The following EXOC4 variants were observed in gnomAD, a reference collection of about 807,000 sequenced individuals.
The protein encoded by EXOC4 is exocyst complex component 4.
Under a neutral mutation model 107.2 loss-of-function variants are expected in EXOC4, and 71 were observed. That is an observed-to-expected ratio of 0.66 (90% CI 0.55 to 0.81). The LOEUF is 0.81. Among genes scored for constraint, EXOC4 ranks in the 30% least tolerant of loss-of-function variants. The probability of loss-of-function intolerance (pLI) is 0.00; values close to 1 mark genes in which losing one functional copy is unlikely to be tolerated. For synonymous variants in EXOC4, 456 were observed against 441.2 expected (o/e 1.03, Z -0.42); for missense variants, 1,108 against 1,189.6 (o/e 0.93, Z 1.01).
chr7:134,060,276 A>C (rs1023699540), intron 17 of EXOC4, among the ~76,000 whole-genome samples: 1 of 152,204 alleles, frequency 6.6e-6, no homozygotes, highest in African/African-American at 2.4e-5. Flanking sequence ...CAAGGTGCAC[A>C]TCTCCTTCCA....
chr7:133,596,166 T>C (rs1801665996), intron 9 of EXOC4, among the ~76,000 whole-genome samples: 2 of 152,264 alleles, frequency 1.3e-5, no homozygotes, highest in African/African-American at 2.4e-5. Flanking sequence ...ATCCTTGACC[T>C]AATCTAGATT....
chr7:133,382,748 A>G lies in EXOC4; in HGVS notation c.1182+7746A>G, dbSNP rs113232531. 3.8e-3 allele frequency among the ~76,000 whole-genome samples: 574 copies of G among 152,332 alleles called. 6 individuals carry two copies. Among genetic ancestry groups the G allele is most frequent in the African/African-American group, 0.012 (516 of 41,580 alleles). On this transcript the variant is annotated intron_variant, in intron 7 of 17. Coordinates refer to ENST00000253861, the MANE Select transcript of EXOC4 (RefSeq NM_021807.4). Reference sequence around the variant, plus strand: ...GCTGAAAAGTTGAAATGTTCCTTGTATATTAAATTCTTTGTATAGTAAATT... The same window carrying G: ...GCTGAAAAGTTGAAATGTTCCTTGTGTATTAAATTCTTTGTATAGTAAATT...
chr7:133,698,447 T>G (rs113397889), intron 10 of EXOC4, among the ~76,000 whole-genome samples: 2 of 152,052 alleles, frequency 1.3e-5, no homozygotes, highest in African/African-American at 4.8e-5. Context: ...CTGGGTGTAG[T>G]GGCGCCCGCC....
chr7:133,739,045 A>G (rs1024660955), intron 10 of EXOC4, among the ~76,000 whole-genome samples: 37 of 152,320 alleles, frequency 2.4e-4, no homozygotes, highest in African/African-American at 8.2e-4. Context: ...ATATAAATGT[A>G]AATTATTTGT....
At chr7:133,258,398 T>A (rs10246646) in intron 1 of EXOC4, among the ~76,000 whole-genome samples, 53,717 of 152,052 alleles carry the variant, frequency 0.35, 11,632 homozygotes, top group African/African-American at 0.62. Flanking sequence ...GCCTGTGGTG[T>A]GAATTGCTGT....
chr7:133,821,325 TAGTAGAACTGTA>T (rs745604004), intron 11 of EXOC4, among the ~76,000 whole-genome samples: 18 of 152,160 alleles, frequency 1.2e-4, no homozygotes, highest in Non-Finnish European at 2.4e-4. Context: ...AGCTGCCAAG[TAGTAGAACTGTA>T]ATGCAAACCC....
chr7:133,740,959 T>G (rs554304558), intron 10 of EXOC4, among the ~76,000 whole-genome samples: 1 of 152,180 alleles, frequency 6.6e-6, no homozygotes, highest in Non-Finnish European at 1.5e-5. Flanking sequence ...GAGACCCTAT[T>G]TGCCACTTTT....
At chr7:133,306,997 C>T (rs982227716) in intron 4 of EXOC4, among the ~76,000 whole-genome samples, 2 of 152,104 alleles carry the variant, frequency 1.3e-5, no homozygotes, top group African/African-American at 4.8e-5. Flanking sequence ...TAGTACATGT[C>T]CTTCCAATAT....
At chr7:133,996,065 T>G (rs553052011) in intron 14 of EXOC4, among the ~76,000 whole-genome samples, 16 of 152,322 alleles carry the variant, frequency 1.1e-4, no homozygotes, top group African/African-American at 3.8e-4. Context: ...ATTGATGGAA[T>G]TATTTTGTAA....
intron 9 of EXOC4, among the ~76,000 whole-genome samples, chr7:133,576,287 C>T (rs555561944): frequency 6.6e-6 from 1 of 152,196 alleles, no homozygotes; most frequent in East Asian, 1.9e-4. Context: ...CTGAGAATTA[C>T]ACATATGGCC....
chr7:134,042,483 A>G (rs1273840596), intron 17 of EXOC4, among the ~76,000 whole-genome samples: 1 of 152,040 alleles, frequency 6.6e-6, no homozygotes, highest in Non-Finnish European at 1.5e-5. Context: ...CTAGGAAAAA[A>G]AAAAAAAGGA....
intron 10 of EXOC4, among the ~76,000 whole-genome samples, chr7:133,774,669 G>T (rs898349012): frequency 1.3e-5 from 2 of 151,934 alleles, no homozygotes; most frequent in Non-Finnish European, 2.9e-5. Flanking sequence ...TACCCTATTT[G>T]TGCATATTAT....
intron 14 of EXOC4, among the ~76,000 whole-genome samples, chr7:133,963,127 C>A (rs1360872564): frequency 6.6e-6 from 1 of 152,262 alleles, no homozygotes. Context: ...TGTCCCCGCA[C>A]TTCACCAGGT....
chr7:133,593,914 TA>T (rs1468827948), intron 9 of EXOC4, among the ~76,000 whole-genome samples: 1 of 152,240 alleles, frequency 6.6e-6, no homozygotes, highest in Non-Finnish European at 1.5e-5. Flanking sequence ...TTTATGTAGT[TA>T]TGTGACAATG....
At chr7:133,305,292 T>C (rs1794727438) in intron 3 of EXOC4, among the ~76,000 whole-genome samples, 1 of 152,168 alleles carries the variant, frequency 6.6e-6, no homozygotes, top group South Asian at 2.1e-4. Flanking sequence ...CCGTTTCTTC[T>C]ATCAAACTGA....
At chr7:133,386,644 G>T (rs181717563) in intron 7 of EXOC4, among the ~76,000 whole-genome samples, 1 of 152,184 alleles carries the variant, frequency 6.6e-6, no homozygotes, top group African/African-American at 2.4e-5. Context: ...TGTATGCAAA[G>T]CTTAATTTAA....
chr7:133,332,144 T>C (rs1366785836), intron 5 of EXOC4, among the ~76,000 whole-genome samples: 1 of 152,240 alleles, frequency 6.6e-6, no homozygotes, highest in Non-Finnish European at 1.5e-5. Flanking sequence ...ATTCATTTTA[T>C]TCATGCTTCT....
intron 7 of EXOC4, among the ~76,000 whole-genome samples, chr7:133,454,566 G>C (rs970292482): frequency 6.6e-6 from 1 of 152,154 alleles, no homozygotes; most frequent in African/African-American, 2.4e-5. Flanking sequence ...CAAAGTGCTG[G>C]GATTATAGGC....
chr7:134,033,515 T>G (rs1449562132), intron 17 of EXOC4, among the ~76,000 whole-genome samples: 1 of 152,092 alleles, frequency 6.6e-6, no homozygotes, highest in African/African-American at 2.4e-5. Flanking sequence ...AGGAACTCCC[T>G]CCCTCTAAGA....
Sources: allele counts gnomAD v4.1 joint callset (sites outside exome capture counted in the v4.1 genomes callset), GRCh38; gene constraint gnomAD v4.1.1; transcripts MANE v1.5; gene names NCBI Gene and HGNC (gene_info 2026-07-23, HGNC 2026-07-21).